The following BMP6 variants were observed in gnomAD, a reference collection of about 807,000 sequenced individuals.
BMP6 encodes the protein VG-1-R.
BMP6 carries 17 observed loss-of-function variants against 54.1 expected under a neutral mutation model. The ratio of observed to expected loss-of-function variants is 0.31; its 90% confidence interval spans 0.22 to 0.47. The LOEUF (loss-of-function observed/expected upper bound fraction) is 0.47, where lower values mean the gene tolerates loss of function less well. Among genes scored for constraint, BMP6 ranks in the 20% least tolerant of loss-of-function variants. The pLI is 1.00. For missense variants in BMP6, 720 were observed against 690.4 expected (o/e 1.04, Z -0.48); for synonymous variants, 328 against 291.2 (o/e 1.13, Z -1.28).
chr6:7,809,094 G>A (rs780723550), intron 1 of BMP6, among the ~76,000 whole-genome samples: 9 of 144,254 alleles, frequency 6.2e-5, no homozygotes, highest in Admixed American at 1.4e-4. Context: ...TCCAATGGGC[G>A]TATAGTACCC....
At chr6:7,792,106 A>G (rs912193046) in intron 1 of BMP6, among the ~76,000 whole-genome samples, 5 of 152,196 alleles carry the variant, frequency 3.3e-5, no homozygotes, top group East Asian at 1.9e-4. Flanking sequence ...GGTGCTAACA[A>G]TTCTGAATCT....
chr6:7,853,755 C>T (rs565325246), intron 2 of BMP6, among the ~76,000 whole-genome samples: 5 of 152,286 alleles, frequency 3.3e-5, no homozygotes, highest in Admixed American at 6.5e-5. Flanking sequence ...GTGTGGGCCT[C>T]GAGAGGCAAG....
chr6:7,742,397 G>A (rs1757281799), intron 1 of BMP6, among the ~76,000 whole-genome samples: 1 of 152,210 alleles, frequency 6.6e-6, no homozygotes, highest in Non-Finnish European at 1.5e-5. Flanking sequence ...AGGTGCCGTT[G>A]CAGAATACTT....
chr6:7,854,563 G>A (rs1037428821), intron 2 of BMP6, among the ~76,000 whole-genome samples: 2 of 152,186 alleles, frequency 1.3e-5, no homozygotes, highest in East Asian at 1.9e-4. Context: ...TGGCGAGGCC[G>A]GGGCAGGCGG....
chr6:7,855,594 C>A (rs761976989), intron 2 of BMP6, among the ~76,000 whole-genome samples: 1 of 111,404 alleles, frequency 9.0e-6, no homozygotes, highest in Non-Finnish European at 1.7e-5. Context: ...ATGAGTTGTG[C>A]TCTGTCGCTC....
intron 2 of BMP6, among the ~76,000 whole-genome samples, chr6:7,860,380 A>G (rs568360472): frequency 6.6e-6 from 1 of 152,326 alleles, no homozygotes; most frequent in East Asian, 1.9e-4. Flanking sequence ...TGGCCAAAAT[A>G]TAGCCCTCCC....
intron 1 of BMP6, among the ~76,000 whole-genome samples, chr6:7,747,812 A>G (rs1195809506): frequency 6.6e-6 from 1 of 151,080 alleles, no homozygotes; most frequent in African/African-American, 2.4e-5. Flanking sequence ...TTGACTAGCT[A>G]ATTTTTTTTT....
At chr6:7,811,434 G>A (rs529986944) in intron 1 of BMP6, among the ~76,000 whole-genome samples, 2 of 152,274 alleles carry the variant, frequency 1.3e-5, no homozygotes, top group East Asian at 3.9e-4. Flanking sequence ...GGGATGTAGC[G>A]CTGGCATGGT....
intron 1 of BMP6, among the ~76,000 whole-genome samples, chr6:7,773,047 TCCAAGGGCCC>T (rs1757813758): frequency 6.6e-6 from 1 of 152,184 alleles, no homozygotes; most frequent in African/African-American, 2.4e-5. Context: ...TCCAAGGCCC[TCCAAGGGCCC>T]TATGTGCCAT....
At chr6:7,753,970 G>A (rs1056879252) in intron 1 of BMP6, among the ~76,000 whole-genome samples, 5 of 151,860 alleles carry the variant, frequency 3.3e-5, no homozygotes, top group Non-Finnish European at 5.9e-5. Context: ...TTTAATTTTG[G>A]TCTTATTTTA....
At position 7,727,543 on chromosome 6, in the gene BMP6, C is replaced by A; in HGVS notation, c.588C>A (p.Gly196=). ...TGGCCCCCGGATCTGGCAGCGGCGG[C>A]GCGTCCCCACTGACCAGCGCGCAGG... is the stretch of plus-strand genomic sequence containing the variant. ...SLLAPGSGSG[G]ASPLTSAQDS... The change falls in exon 1 of 7, where the codon GGC becomes GGA. Residue 196 remains glycine, a synonymous_variant. Coordinates refer to ENST00000283147, the MANE Select transcript of BMP6 (RefSeq NM_001718.6). 6.3e-7 allele frequency: 1 copy of A among 1,594,286 alleles called. No individual in the cohort carries two copies. Among genetic ancestry groups the A allele is most frequent in the African/African-American group, 1.3e-5 (1 of 74,636 alleles).
At chr6:7,743,092 G>A (rs1045134169) in intron 1 of BMP6, among the ~76,000 whole-genome samples, 1 of 152,198 alleles carries the variant, frequency 6.6e-6, no homozygotes, top group Non-Finnish European at 1.5e-5. Context: ...CTTCAAGGAT[G>A]TAGCCAAGGG....
intron 4 of BMP6, among the ~76,000 whole-genome samples, chr6:7,864,634 G>A (rs755282503): frequency 9.9e-5 from 15 of 152,034 alleles, no homozygotes; most frequent in African/African-American, 2.4e-4. Context: ...TTTGTGTTCC[G>A]ACTTAAATCA....
chr6:7,870,435 G>A (rs1368713290), intron 4 of BMP6, among the ~76,000 whole-genome samples: 2 of 152,198 alleles, frequency 1.3e-5, no homozygotes, highest in East Asian at 3.8e-4. Flanking sequence ...CAACGTATTG[G>A]AAACATAAAG....
intron 4 of BMP6, among the ~76,000 whole-genome samples, chr6:7,869,647 C>G (rs542224049): frequency 2.4e-4 from 36 of 152,266 alleles, no homozygotes; most frequent in African/African-American, 7.9e-4. Flanking sequence ...CACATGGGCC[C>G]CGGCAGCCTT....
chr6:7,727,355 C>G lies in BMP6; in HGVS notation c.400C>G (p.Leu134Val), dbSNP rs759005904. Residue 134 changes from leucine (L) to valine (V), a missense_variant, in exon 1 of 7, where the codon CTC becomes GTC. Around this residue, in one of 3 missense-constraint regions of BMP6, gnomAD observed 650 missense variants for 556.3 expected, o/e 1.17. Transcript: ENST00000283147. The part of the protein sequence containing the change: ...PPPGRLKSAP[L>V]FMLDLYNALS... ...TCCCGGGCGACTGAAGTCCGCGCCC[C>G]TCTTCATGCTGGATCTGTACAACGC... The G allele has an allele frequency of 1.0e-4, 161 of 1,609,988 alleles. 1 individual carries two copies. In the Middle Eastern group the frequency reaches 1.2e-3, roughly 12 times the overall value.
At chr6:7,815,305 G>A (rs893777078) in intron 1 of BMP6, among the ~76,000 whole-genome samples, 1 of 152,124 alleles carries the variant, frequency 6.6e-6, no homozygotes, top group African/African-American at 2.4e-5. Context: ...CTCTATGTGT[G>A]CAGAATAGCA....
At position 7,879,897 on chromosome 6, in the gene BMP6, T is replaced by C. The variant is rs1007335015; in HGVS notation, c.1282-94T>C. On this transcript the variant is annotated intron_variant, in intron 5 of 6. Coordinates refer to ENST00000283147, the MANE Select transcript of BMP6 (RefSeq NM_001718.6). ...TGCGTCTGTATCCTTGCCTGTGCAATGTGAAAAATACCTTTTCACAGCATT... is the reference window on the plus strand; with the variant it reads ...TGCGTCTGTATCCTTGCCTGTGCAACGTGAAAAATACCTTTTCACAGCATT... The C allele has an allele frequency of 6.3e-6, 8 of 1,269,428 alleles. No individual in the cohort carries two copies. The Admixed American group carries it at 7.0e-5, about 11-fold the overall frequency. 78.6% of individuals were successfully genotyped at this position (1,269,428 alleles called of 1,614,324 possible). A position where few individuals can be genotyped will look rare whatever the true frequency, so the allele number is the denominator to read the frequency against.
chr6:7,794,619 AAAGG>A (rs1273600589), intron 1 of BMP6, among the ~76,000 whole-genome samples: 1 of 148,984 alleles, frequency 6.7e-6, no homozygotes, highest in Non-Finnish European at 1.5e-5. Flanking sequence ...AAAAAAAAAA[AAAGG>A]AGAAGAAGAA....
Sources: allele counts gnomAD v4.1 joint callset (sites outside exome capture counted in the v4.1 genomes callset), GRCh38; gene constraint gnomAD v4.1.1; regional missense constraint gnomAD v4.1.1; transcripts MANE v1.5; gene names NCBI Gene and HGNC (gene_info 2026-07-23, HGNC 2026-07-21).